Variants in GPC5 observed in about 807,000 individuals in gnomAD.
GPC5 encodes glypican-5.
GPC5 carries 47 observed loss-of-function variants against 53.9 expected under a neutral mutation model. That is an observed-to-expected ratio of 0.87 (90% CI 0.69 to 1.11). The LOEUF is 1.11. Ranked by LOEUF, GPC5 falls within the 50% of genes most tolerant of loss-of-function variation. The pLI is 0.00. For missense variants in GPC5, 748 were observed against 713.1 expected (o/e 1.05, Z -0.56); for synonymous variants, 286 against 263.3 (o/e 1.09, Z -0.84).
intron 7 of GPC5, among the ~76,000 whole-genome samples, chr13:92,617,860 A>T (rs2139109498): frequency 6.6e-6 from 1 of 152,246 alleles, no homozygotes; most frequent in Non-Finnish European, 1.5e-5. Context: ...TTATACTTTA[A>T]GTTTCAAGGT....
At chr13:92,576,653 G>A (rs1049305145) in intron 7 of GPC5, among the ~76,000 whole-genome samples, 12 of 152,158 alleles carry the variant, frequency 7.9e-5, no homozygotes, top group Admixed American at 7.9e-4. Context: ...CTATGTGATA[G>A]GAAACCATAG....
intron 1 of GPC5, among the ~76,000 whole-genome samples, chr13:91,416,226 C>T (rs1878209536): frequency 6.6e-6 from 1 of 152,048 alleles, no homozygotes; most frequent in African/African-American, 2.4e-5. Context: ...CCTTCAGATG[C>T]CATTTTTAAG....
chr13:91,784,755 G>T (rs1332282926), intron 5 of GPC5, among the ~76,000 whole-genome samples: 4 of 150,536 alleles, frequency 2.7e-5, no homozygotes, highest in Admixed American at 6.6e-5. Context: ...ATTTGATTAG[G>T]ATGTCAAAAA....
At chr13:92,646,930 A>ATGTGTGTGTGTGTGTGTGTGTGTGTG (rs753380099) in intron 7 of GPC5, among the ~76,000 whole-genome samples, 1 of 146,504 alleles carries the variant, frequency 6.8e-6, no homozygotes, top group Non-Finnish European at 1.5e-5. Flanking sequence ...ATATATAAAC[A>ATGTGTGTGTGTGTGTGTGTGTGTGTG]TGTGTGTGTG....
intron 6 of GPC5, among the ~76,000 whole-genome samples, chr13:92,094,639 C>T (rs1053436806): frequency 2.7e-5 from 4 of 150,442 alleles, no homozygotes; most frequent in African/African-American, 9.8e-5. Context: ...ATGTAACAAA[C>T]TATATATTGC....
chr13:92,597,675 C>T (rs1883924730), intron 7 of GPC5, among the ~76,000 whole-genome samples: 1 of 152,030 alleles, frequency 6.6e-6, no homozygotes, highest in African/African-American at 2.4e-5. Flanking sequence ...TGTAGGCATC[C>T]ATTTTATTCA....
intron 7 of GPC5, among the ~76,000 whole-genome samples, chr13:92,789,490 A>G (rs1876385349): frequency 6.6e-6 from 1 of 152,134 alleles, no homozygotes; most frequent in African/African-American, 2.4e-5. Context: ...TATTTATTTA[A>G]CAAACTCAGG....
intron 7 of GPC5, among the ~76,000 whole-genome samples, chr13:92,423,587 A>C (rs1290786419): frequency 6.6e-6 from 1 of 152,194 alleles, no homozygotes; most frequent in Non-Finnish European, 1.5e-5. Context: ...AAGGATCTGT[A>C]GATGTACAGT....
intron 7 of GPC5, among the ~76,000 whole-genome samples, chr13:92,497,643 A>C (rs1880026017): frequency 6.6e-6 from 1 of 152,158 alleles, no homozygotes; most frequent in Non-Finnish European, 1.5e-5. Context: ...TCTGTGAAGA[A>C]TGTCAATGGT....
chr13:92,594,877 T>C (rs1276345083), intron 7 of GPC5, among the ~76,000 whole-genome samples: 1 of 152,196 alleles, frequency 6.6e-6, no homozygotes, highest in African/African-American at 2.4e-5. Flanking sequence ...TACATCTTAT[T>C]ATTTGTGTTT....
chr13:91,805,788 A>C (rs564012468), intron 5 of GPC5, among the ~76,000 whole-genome samples: 1 of 152,296 alleles, frequency 6.6e-6, no homozygotes, highest in Non-Finnish European at 1.5e-5. Flanking sequence ...AAACTAAGTC[A>C]TTTAGATTTC....
intron 6 of GPC5, among the ~76,000 whole-genome samples, chr13:92,038,221 G>A (rs1401270779): frequency 2.0e-5 from 3 of 151,898 alleles, no homozygotes; most frequent in Admixed American, 6.6e-5. Flanking sequence ...ACCCAGGTGC[G>A]ACTACTGTGG....
At chr13:91,549,851 A>G (rs951572726) in intron 2 of GPC5, among the ~76,000 whole-genome samples, 4 of 152,142 alleles carry the variant, frequency 2.6e-5, no homozygotes, top group African/African-American at 4.8e-5. Flanking sequence ...CAGTTTGTCA[A>G]TTTCTTACAA....
At chr13:92,411,164 G>A (rs976711346) in intron 7 of GPC5, among the ~76,000 whole-genome samples, 2 of 152,142 alleles carry the variant, frequency 1.3e-5, no homozygotes, top group South Asian at 2.1e-4. Context: ...CAGCTACTCG[G>A]GAGGCTGAGG....
intron 7 of GPC5, among the ~76,000 whole-genome samples, chr13:92,703,270 G>T (rs1407825853): frequency 6.6e-6 from 1 of 151,628 alleles, no homozygotes; most frequent in Non-Finnish European, 1.5e-5. Flanking sequence ...ATAGAGAATA[G>T]GGAAGAATAT....
chr13:91,984,956 GCA>G (rs765948689), intron 6 of GPC5, among the ~76,000 whole-genome samples: 2 of 152,120 alleles, frequency 1.3e-5, no homozygotes, highest in Non-Finnish European at 1.5e-5. Context: ...GCACTTATTT[GCA>G]CAGTTTCAAA....
At chr13:92,516,256 A>G (rs940852438) in intron 7 of GPC5, among the ~76,000 whole-genome samples, 2 of 152,186 alleles carry the variant, frequency 1.3e-5, no homozygotes, top group African/African-American at 4.8e-5. Flanking sequence ...GAAAATAATA[A>G]TAATCCATAT....
chr13:91,454,833 A>C (rs960920046), intron 2 of GPC5, among the ~76,000 whole-genome samples: 2 of 151,892 alleles, frequency 1.3e-5, no homozygotes, highest in South Asian at 4.2e-4. Context: ...AATTTCTCAA[A>C]CCCCTGGGCT....
chr13:92,745,987 T>C (rs1462927084), intron 7 of GPC5, among the ~76,000 whole-genome samples: 2 of 152,148 alleles, frequency 1.3e-5, no homozygotes, highest in Non-Finnish European at 2.9e-5. Flanking sequence ...GAAAATTTAC[T>C]CATGAACACA....
Sources: gnomAD v4.1 joint callset for allele counts (sites outside exome capture counted in the v4.1 genomes callset) on GRCh38, gnomAD v4.1.1 for gene constraint, MANE v1.5 for transcripts, NCBI Gene and HGNC (gene_info 2026-07-23, HGNC 2026-07-21) for gene names.